Variants in RAPGEF5 observed in about 807,000 individuals in gnomAD.
The protein encoded by RAPGEF5 is Rap guanine nucleotide exchange factor 5.
RAPGEF5 carries 65 observed loss-of-function variants against 125.2 expected under a neutral mutation model. The ratio of observed to expected loss-of-function variants is 0.52; its 90% CI spans 0.43 to 0.64. RAPGEF5 has a LOEUF of 0.64. Among genes scored for constraint, RAPGEF5 ranks in the 30% least tolerant of loss-of-function variants. RAPGEF5 has a pLI of 0.00. For missense variants in RAPGEF5, 958 were observed against 1,048.1 expected (o/e 0.91, Z 1.19); for synonymous variants, 391 against 385.9 (o/e 1.01, Z -0.16).
At chr7:22,133,125 T>C (rs1782966287) in intron 23 of RAPGEF5, among the ~76,000 whole-genome samples, 1 of 152,206 alleles carries the variant, frequency 6.6e-6, no homozygotes, top group Non-Finnish European at 1.5e-5. Context: ...ATCTCTCCTC[T>C]TCCTAGGTAG....
At chr7:22,272,969 A>T (rs891467439) in intron 6 of RAPGEF5, among the ~76,000 whole-genome samples, 8 of 151,862 alleles carry the variant, frequency 5.3e-5, no homozygotes, top group Non-Finnish European at 7.4e-5. Flanking sequence ...CATGTTGTCC[A>T]GGCTGATCTT....
chr7:22,154,485 G>C lies in RAPGEF5; in HGVS notation c.1756C>G (p.Leu586Val). Residue 586 changes from leucine (L) to valine (V), a missense_variant, in exon 17 of 26, where the codon CTG becomes GTG. Leu to Val is a conservative substitution (Grantham distance 32). Transcript: ENST00000665637. ...GAGAATGTGATGGCCACCAGAGCCA[G>C]ATCCTCTTCTGCATACTGGATCTTT... ...AEKIQYAEED[L>V]ALVAITFSGE... 6.2e-7 allele frequency: 1 copy of C among 1,613,832 alleles called. No individual in the cohort carries two copies. The highest frequency in any genetic ancestry group is 1.1e-5 in the South Asian group (1 of 91,066).
intron 20 of RAPGEF5, among the ~76,000 whole-genome samples, chr7:22,141,818 G>A (rs1024716364): frequency 6.6e-6 from 1 of 152,140 alleles, no homozygotes; most frequent in East Asian, 1.9e-4. Flanking sequence ...GACCCCTTAC[G>A]TGGTTTTTTG....
intron 6 of RAPGEF5, among the ~76,000 whole-genome samples, chr7:22,267,613 C>T (rs867166727): frequency 2.0e-5 from 3 of 152,032 alleles, no homozygotes; most frequent in African/African-American, 7.2e-5. Context: ...TGTCTTTAAC[C>T]CTACTCACTT....
intron 1 of RAPGEF5, among the ~76,000 whole-genome samples, chr7:22,333,073 A>C (rs1409230988): frequency 6.6e-6 from 1 of 152,250 alleles, no homozygotes; most frequent in African/African-American, 2.4e-5. Flanking sequence ...CTCTGAGCTC[A>C]TTATGTGATA....
At chr7:22,259,030 A>C (rs1782080422) in intron 7 of RAPGEF5, among the ~76,000 whole-genome samples, 1 of 152,232 alleles carries the variant, frequency 6.6e-6, no homozygotes, top group South Asian at 2.1e-4. Context: ...TCATTAAAAT[A>C]AAAACATTTC....
At chr7:22,345,620 C>G (rs1028595204) in intron 1 of RAPGEF5, among the ~76,000 whole-genome samples, 1 of 151,008 alleles carries the variant, frequency 6.6e-6, no homozygotes, top group Non-Finnish European at 1.5e-5. Context: ...AGAGTGAACA[C>G]ACAACTGCAG....
At chr7:22,218,296 G>T (rs1785690613) in intron 9 of RAPGEF5, among the ~76,000 whole-genome samples, 2 of 152,106 alleles carry the variant, frequency 1.3e-5, no homozygotes, top group South Asian at 4.1e-4. Context: ...TTTGTCATAA[G>T]CCTTAATCAT....
At chr7:22,347,058 C>T (rs1784236659) in intron 1 of RAPGEF5, among the ~76,000 whole-genome samples, 1 of 151,836 alleles carries the variant, frequency 6.6e-6, no homozygotes, top group Non-Finnish European at 1.5e-5. Flanking sequence ...ATTTTGCTCT[C>T]CTAAAAAAAG....
chr7:22,170,598 C>A (rs1441737598), intron 11 of RAPGEF5, among the ~76,000 whole-genome samples: 1 of 152,188 alleles, frequency 6.6e-6, no homozygotes, highest in Non-Finnish European at 1.5e-5. Flanking sequence ...CACCATTAAA[C>A]CATTAACTTT....
At chr7:22,314,519 T>A in intron 3 of RAPGEF5, 1 of 709,058 alleles carries the variant, frequency 1.4e-6, no homozygotes, top group Non-Finnish European at 1.7e-6. Flanking sequence ...GAGTTTATCA[T>A]AAAGCTAAGT....
At chr7:22,193,482 G>A (rs771182766) in intron 10 of RAPGEF5, 27 bp from the exon 11 acceptor site, 26 of 1,569,688 alleles carry the variant, frequency 1.7e-5, no homozygotes, top group Non-Finnish European at 2.2e-5. Flanking sequence ...AGTCCACTGA[G>A]TCATCCTCGG....
chr7:22,321,878 CAAG>C (rs1783720667), intron 1 of RAPGEF5, among the ~76,000 whole-genome samples: 1 of 152,192 alleles, frequency 6.6e-6, no homozygotes, highest in Non-Finnish European at 1.5e-5. Flanking sequence ...ATTTTTAACA[CAAG>C]AAGAACCTGT....
intron 11 of RAPGEF5, among the ~76,000 whole-genome samples, chr7:22,176,146 C>A (rs1224253625): frequency 6.6e-6 from 1 of 152,066 alleles, no homozygotes; most frequent in African/African-American, 2.4e-5. Context: ...GGCAAAACAG[C>A]GTGTGCGGGG....
chr7:22,321,195 A>G (rs1783708905), intron 1 of RAPGEF5, among the ~76,000 whole-genome samples: 2 of 152,220 alleles, frequency 1.3e-5, no homozygotes, highest in Admixed American at 6.5e-5. Flanking sequence ...GGCAAACCAC[A>G]TATTTTAAAT....
At chr7:22,152,624 T>C (rs1783665356) in intron 17 of RAPGEF5, among the ~76,000 whole-genome samples, 1 of 152,208 alleles carries the variant, frequency 6.6e-6, no homozygotes. Context: ...TATTGTTCCT[T>C]TTAGAAAAAT....
At chr7:22,175,010 G>A (rs1320863014) in intron 11 of RAPGEF5, among the ~76,000 whole-genome samples, 2 of 152,200 alleles carry the variant, frequency 1.3e-5, no homozygotes, top group East Asian at 3.8e-4. Context: ...GTCTAAGGGA[G>A]TGGGATATTC....
At chr7:22,313,335 A>G (rs1783516404) in intron 3 of RAPGEF5, among the ~76,000 whole-genome samples, 1 of 152,254 alleles carries the variant, frequency 6.6e-6, no homozygotes, top group African/African-American at 2.4e-5. Context: ...TACAGTATAA[A>G]GTGAATAGAA....
At chr7:22,185,533 T>C (rs1219166722) in intron 11 of RAPGEF5, among the ~76,000 whole-genome samples, 2 of 152,222 alleles carry the variant, frequency 1.3e-5, no homozygotes, top group Admixed American at 6.5e-5. Flanking sequence ...TCCATGCTAG[T>C]AATTAGGAGA....
Sources: gnomAD v4.1 joint callset for allele counts (sites outside exome capture counted in the v4.1 genomes callset) on GRCh38, gnomAD v4.1.1 for gene constraint, MANE v1.5 for transcripts, NCBI Gene and HGNC (gene_info 2026-07-23, HGNC 2026-07-21) for gene names.